KCND2: variants seen among roughly 807,000 people sequenced by gnomAD.
KCND2 encodes the protein A-type voltage-gated potassium channel KCND2.
Under a neutral mutation model 54.4 loss-of-function variants are expected in KCND2, and 16 were observed. The observed-to-expected ratio is 0.29, with a 90% confidence interval of 0.20 to 0.45. The LOEUF (loss-of-function observed/expected upper bound fraction) is 0.45. Among genes scored for constraint, KCND2 ranks in the 20% least tolerant of loss-of-function variants. The pLI is 1.00. For missense variants in KCND2, 486 were observed against 824.2 expected, an observed-to-expected ratio of 0.59 and a Z score of 5.02; for synonymous variants, 317 against 310.7, an observed-to-expected ratio of 1.02 and a Z score of -0.21.
chr7:120,347,442 C>T (rs550394832), intron 1 of KCND2, among the ~76,000 whole-genome samples: 6 of 152,178 alleles, frequency 3.9e-5, no homozygotes, highest in African/African-American at 1.2e-4. Flanking sequence ...AAGAAGGAAG[C>T]GCTCATGTTT....
At chr7:120,335,972 G>A (rs1800146326) in intron 1 of KCND2, among the ~76,000 whole-genome samples, 1 of 151,836 alleles carries the variant, frequency 6.6e-6, no homozygotes, top group South Asian at 2.1e-4. Context: ...GAACAAATAA[G>A]CAATATCACA....
intron 1 of KCND2, among the ~76,000 whole-genome samples, chr7:120,544,466 A>G (rs1054402322): frequency 3.9e-5 from 6 of 152,090 alleles, no homozygotes; most frequent in Middle Eastern, 3.4e-3. Flanking sequence ...CCAAATTGAA[A>G]ATTATCTAAG....
intron 1 of KCND2, among the ~76,000 whole-genome samples, chr7:120,527,039 T>G (rs1438230711): frequency 6.6e-6 from 1 of 152,144 alleles, no homozygotes; most frequent in African/African-American, 2.4e-5. Flanking sequence ...TACATCAGAT[T>G]CATTGAGTAA....
chr7:120,707,819 A>G lies in KCND2; in HGVS notation c.1116-25084A>G, dbSNP rs553166481. 2.3e-4 allele frequency among the ~76,000 whole-genome samples: 35 copies of G among 152,124 alleles called. No homozygotes were observed. The South Asian group carries it at 6.9e-3, about 30-fold the overall frequency. On this transcript the variant is annotated intron_variant, in intron 1 of 5. Transcript: ENST00000331113. ...AAGGAATGAAGACTACAGGAGAACT[A>G]CTGATAAGGTAGGCGAAGTGACAGC...
intron 1 of KCND2, among the ~76,000 whole-genome samples, chr7:120,483,992 GA>G (rs1039567829): frequency 4.0e-5 from 6 of 151,534 alleles, no homozygotes; most frequent in Admixed American, 2.0e-4. Flanking sequence ...CTGCTGAAGA[GA>G]AAAAAAAGCT....
At chr7:120,478,309 C>T (rs929185475) in intron 1 of KCND2, among the ~76,000 whole-genome samples, 4 of 152,074 alleles carry the variant, frequency 2.6e-5, no homozygotes, top group African/African-American at 9.7e-5. Flanking sequence ...TGTCCTTTAT[C>T]GCCCATAAAT....
At position 120,748,876 on chromosome 7, in the gene KCND2, T is replaced by C. The variant is rs56027915; in HGVS notation, c.*1018T>C. The C allele has an allele frequency of 6.6e-6, 1 of 151,998 alleles. No homozygotes were observed. Among genetic ancestry groups the C allele is most frequent in the African/African-American group, 2.4e-5 (1 of 41,446 alleles). The allele number at this position is 151,998 out of a possible 1,614,324, so 9.4% of individuals were successfully genotyped here. A position where few individuals can be genotyped will look rare whatever the true frequency, so the allele number is the denominator to read the frequency against. On this transcript the variant is annotated 3_prime_UTR_variant, in exon 6 of 6. Transcript: ENST00000331113. ...CATCATCAACAAGACTACTGTTTAC[T>C]GTAGTTCAAGTGACTTTCCTACTTT...
intron 1 of KCND2, among the ~76,000 whole-genome samples, chr7:120,510,502 A>G (rs1803097801): frequency 6.6e-6 from 1 of 152,098 alleles, no homozygotes; most frequent in Non-Finnish European, 1.5e-5. Context: ...ACTCAACCTT[A>G]GCTAAAAAGT....
At chr7:120,295,686 A>G (rs958742606) in intron 1 of KCND2, among the ~76,000 whole-genome samples, 2 of 152,100 alleles carry the variant, frequency 1.3e-5, no homozygotes, top group African/African-American at 4.8e-5. Context: ...ACCTGTTATT[A>G]TGTGTTAATT....
At chr7:120,444,057 C>T (rs957253300) in intron 1 of KCND2, among the ~76,000 whole-genome samples, 1 of 152,080 alleles carries the variant, frequency 6.6e-6, no homozygotes, top group Non-Finnish European at 1.5e-5. Flanking sequence ...ATACCCTTAT[C>T]CATGATGCAT....
At chr7:120,727,800 T>C (rs944650494) in intron 1 of KCND2, among the ~76,000 whole-genome samples, 2 of 151,480 alleles carry the variant, frequency 1.3e-5, no homozygotes, top group African/African-American at 2.4e-5. Context: ...ACATAGTAAA[T>C]ATAGGAGAAA....
chr7:120,463,042 A>G (rs1182080430), intron 1 of KCND2, among the ~76,000 whole-genome samples: 1 of 152,094 alleles, frequency 6.6e-6, no homozygotes, highest in Non-Finnish European at 1.5e-5. Context: ...AGCGTAGTAT[A>G]ACATAAGCTT....
chr7:120,350,023 A>G (rs1800379061), intron 1 of KCND2, among the ~76,000 whole-genome samples: 1 of 152,016 alleles, frequency 6.6e-6, no homozygotes, highest in Non-Finnish European at 1.5e-5. Flanking sequence ...TTTATTGGAT[A>G]AGACTTTTAT....
intron 1 of KCND2, among the ~76,000 whole-genome samples, chr7:120,536,424 A>G (rs1791908049): frequency 6.6e-6 from 1 of 152,112 alleles, no homozygotes; most frequent in Non-Finnish European, 1.5e-5. Flanking sequence ...AATTTTTCAT[A>G]CTGATTGACA....
intron 1 of KCND2, among the ~76,000 whole-genome samples, chr7:120,728,140 A>G (rs1792758612): frequency 6.6e-6 from 1 of 150,772 alleles, no homozygotes; most frequent in African/African-American, 2.4e-5. Flanking sequence ...CTCAAAAAAA[A>G]AAAAAAAAGA....
At chr7:120,586,648 T>C (rs925159551) in intron 1 of KCND2, among the ~76,000 whole-genome samples, 3 of 152,184 alleles carry the variant, frequency 2.0e-5, no homozygotes, top group African/African-American at 7.2e-5. Flanking sequence ...TATTAGTGAT[T>C]TGCAGCATTT....
rs757374955 is a variant in KCND2 at position 120,275,755 on chromosome 7, C to T, written c.1115+8C>T. The T allele has an allele frequency of 6.3e-7, 1 of 1,599,916 alleles. No individual in the cohort carries two copies. The highest frequency in any genetic ancestry group is 8.5e-7 in the Non-Finnish European group (1 of 1,179,884). On this transcript the variant is annotated splice_region_variant and intron_variant, in intron 1 of 5. Coordinates refer to ENST00000331113, the MANE Select transcript of KCND2 (RefSeq NM_012281.3). ...CACCATGACAACACTAGGGTAGGTG[C>T]CATAATGGGAAATGGGATGGAGGTT... is the stretch of plus-strand genomic sequence containing the variant.
At chr7:120,423,819 C>T (rs1801662027) in intron 1 of KCND2, among the ~76,000 whole-genome samples, 2 of 152,172 alleles carry the variant, frequency 1.3e-5, no homozygotes. Context: ...ATTTGGCTTT[C>T]TATCCAAGCC....
rs200455089 is a variant in KCND2 at position 120,607,495 on chromosome 7, CTATT to C, written c.1116-125406_1116-125403del. ...TCATAAACCATAGTAATTTTCATCT[CTATT>C]TCTTTATCTCAGCTAAATATTCATT... On this transcript the variant is annotated intron_variant, in intron 1 of 5. Transcript: ENST00000331113. Among the ~76,000 whole-genome samples, 677 of 152,268 alleles carry C rather than the reference CTATT, an allele frequency of 4.4e-3. 25 individuals carry two copies. The highest frequency in any genetic ancestry group is 0.042 in the Admixed American group (637 of 15,260).
Sources: allele counts gnomAD v4.1 joint callset (sites outside exome capture counted in the v4.1 genomes callset), GRCh38; gene constraint gnomAD v4.1.1; transcripts MANE v1.5; gene names NCBI Gene and HGNC (gene_info 2026-07-23, HGNC 2026-07-21).